SIDT1: variants seen among roughly 807,000 people sequenced by gnomAD.
The protein encoded by SIDT1 is SID1 transmembrane family member 1.
In SIDT1, 101 loss-of-function variants were observed where a neutral mutation model predicts 107.5. That is an observed-to-expected ratio of 0.94 (90% confidence interval 0.80 to 1.11). The LOEUF (loss-of-function observed/expected upper bound fraction) is 1.11. Ranked by LOEUF, SIDT1 falls within the 50% of genes least tolerant of loss-of-function variation. The pLI is 0.00. For missense variants in SIDT1, 1,076 were observed against 1,058.2 expected, an observed-to-expected ratio of 1.02 and a Z score of -0.23; for synonymous variants, 395 against 398.2, an observed-to-expected ratio of 0.99 and a Z score of 0.10.
chr3:113,538,122 C>T (rs1938400127), intron 1 of SIDT1, among the ~76,000 whole-genome samples: 1 of 152,208 alleles, frequency 6.6e-6, no homozygotes, highest in South Asian at 2.1e-4. Flanking sequence ...CCTCCATGAA[C>T]ACTCCTGTGA....
intron 10 of SIDT1, 122 bp from the exon 11 acceptor site, chr3:113,601,466 T>G: frequency 1.5e-6 from 1 of 674,192 alleles, no homozygotes; most frequent in Non-Finnish European, 2.6e-6. Context: ...GACTCCTGTA[T>G]TAGTGTAAAA....
At chr3:113,586,263 T>C (rs1053279983) in intron 9 of SIDT1, among the ~76,000 whole-genome samples, 1 of 152,146 alleles carries the variant, frequency 6.6e-6, no homozygotes, top group Non-Finnish European at 1.5e-5. Context: ...TAATGAATTA[T>C]AAACCATTGG....
intron 4 of SIDT1, among the ~76,000 whole-genome samples, chr3:113,577,272 C>A (rs921777522): frequency 6.6e-6 from 1 of 152,180 alleles, no homozygotes; most frequent in Non-Finnish European, 1.5e-5. Context: ...TAGACTGCAC[C>A]TGGTGCTGGA....
At chr3:113,610,386 C>T (rs1241860925) in intron 17 of SIDT1, among the ~76,000 whole-genome samples, 2 of 152,192 alleles carry the variant, frequency 1.3e-5, no homozygotes, top group African/African-American at 4.8e-5. Flanking sequence ...CCCAGATCAT[C>T]ACTAACGTTT....
rs116403518 is a variant in SIDT1 at position 113,563,165 on chromosome 3, A to G, written c.223-3255A>G. Among the ~76,000 whole-genome samples the G allele has an allele frequency of 6.5e-3, 984 of 152,334 alleles. 8 individuals carry two copies. Among genetic ancestry groups the G allele is most frequent in the African/African-American group, 0.022 (915 of 41,574 alleles). On this transcript the variant is annotated intron_variant, in intron 1 of 24. Transcript: ENST00000264852. ...GGATCTGTTGGTAGGCAAAGAAACT[A>G]GAGACGAAGGCACAGAAGACATCAA...
At chr3:113,548,773 A>G (rs1017107093) in intron 1 of SIDT1, among the ~76,000 whole-genome samples, 13 of 152,114 alleles carry the variant, frequency 8.5e-5, no homozygotes, top group African/African-American at 3.1e-4. Flanking sequence ...CCTTAGCCCA[A>G]GCCCCTTTGC....
chr3:113,541,667 C>T (rs568520790), intron 1 of SIDT1, among the ~76,000 whole-genome samples: 95 of 152,200 alleles, frequency 6.2e-4, no homozygotes, highest in Non-Finnish European at 1.1e-3. Context: ...ACCATATTCT[C>T]ACTTTCATGT....
chr3:113,540,339 G>T (rs1938671284), intron 1 of SIDT1, among the ~76,000 whole-genome samples: 1 of 152,176 alleles, frequency 6.6e-6, no homozygotes, highest in South Asian at 2.1e-4. Context: ...TTCAGCATGA[G>T]TCTTGGGGGA....
Position 113,628,952 on chromosome 3 carries a change from G to A in SIDT1, c.*1244G>A, listed in dbSNP as rs146891396. On this transcript the variant is annotated 3_prime_UTR_variant, in exon 25 of 25. Coordinates refer to ENST00000264852, the MANE Select transcript of SIDT1 (RefSeq NM_017699.3). ...AGCATCTGGGTTCCACTCTCACACT[G>A]TCTGGCAGCTCTGTGTCTGAGAAGT... 6.6e-6 allele frequency: 1 copy of A among 152,230 alleles called. No homozygotes were observed. 9.4% of individuals were successfully genotyped at this position (152,230 alleles called of 1,614,324 possible). A position where few individuals can be genotyped will look rare whatever the true frequency, so the allele number is the denominator to read the frequency against.
Position 113,623,628 on chromosome 3 carries a change from C to T in SIDT1, c.2202C>T (p.Arg734=), listed in dbSNP as rs922045651. 1.5e-5 allele frequency: 24 copies of T among 1,613,244 alleles called. No homozygotes were observed. The highest frequency in any genetic ancestry group is 2.0e-5 in the Non-Finnish European group (23 of 1,179,320). The change falls in exon 23 of 25, where the codon CGC becomes CGT. Residue 734 remains arginine (R), a synonymous_variant. Coordinates refer to ENST00000264852, the MANE Select transcript of SIDT1 (RefSeq NM_017699.3). The stretch of plus-strand genomic sequence containing the variant: ...ATCTGCTTCTCCTCCCACAGCTCCG[C>T]AGCTCTGAAAAGGTCCTCCCAGTCC... ...YLAFYIIMKL[R]SSEKVLPVPL...
rs145142578 is a variant in SIDT1, at chr3:113,624,475, T to C, written c.2307+742T>C. ...TGAAAAATATTCCGTTGTACTGATA[T>C]ATCACATTTTATCTACCTGCTCATC... is the stretch of plus-strand genomic sequence containing the variant. On this transcript the variant is annotated intron_variant, in intron 23 of 24. Transcript: ENST00000264852. Among the ~76,000 whole-genome samples, 294 of 152,380 alleles carry C rather than the reference T, an allele frequency of 1.9e-3. 3 individuals are homozygous for C. Among genetic ancestry groups the C allele is most frequent in the African/African-American group, 6.7e-3 (280 of 41,588 alleles).
In SIDT1 at chr3:113,608,493, T is replaced by G; in HGVS notation, c.1677T>G (p.Ser559Arg). The change falls in exon 17 of 25, where the codon AGT (serine) becomes AGG (arginine). Residue 559 changes from serine to arginine, a missense_variant. By Grantham distance (110) the Ser-to-Arg change is moderately radical (BLOSUM62 -1). Coordinates refer to ENST00000264852, the MANE Select transcript of SIDT1 (RefSeq NM_017699.3). The part of the protein sequence containing the change: ...GIALMMEGVL[S>R]ACYHVCPNYS... ...CATTGATGATGGAAGGGGTGCTCAGTGCTTGCTACCATGTCTGCCCTAATT... is the reference window on the plus strand; with the variant it reads ...CATTGATGATGGAAGGGGTGCTCAGGGCTTGCTACCATGTCTGCCCTAATT... 5.0e-6 allele frequency: 8 copies of G among 1,614,070 alleles called. No homozygotes were observed. In the South Asian group the frequency reaches 8.8e-5, roughly 18 times the overall value.
In SIDT1 at chr3:113,612,166, G is replaced by A. The variant is rs758969146; in HGVS notation, c.1938G>A (p.Gln646=). 2.5e-6 allele frequency: 4 copies of A among 1,612,974 alleles called. No individual in the cohort carries two copies. In the Admixed American group the frequency reaches 6.7e-5, roughly 27 times the overall value. ...TGGCCTCGCTAGCCCTCAGCACCCA[G>A]ATATATTATATGGGTCGTTTCAAGA... is the stretch of plus-strand genomic sequence containing the variant. The part of the protein sequence containing the change: ...HVLASLALST[Q]IYYMGRFKID... The change falls in exon 19 of 25, where the codon CAG becomes CAA. Residue 646 remains glutamine, a synonymous_variant. Coordinates refer to ENST00000264852, the MANE Select transcript of SIDT1 (RefSeq NM_017699.3).
At chr3:113,593,181 T>A in intron 10 of SIDT1, 133 bp downstream of exon 10, 1 of 800,918 alleles carries the variant, frequency 1.2e-6, no homozygotes, top group Non-Finnish European at 2.2e-6. Context: ...CAGAGTAGTC[T>A]AGCCTGCAGT....
intron 9 of SIDT1, among the ~76,000 whole-genome samples, chr3:113,591,852 A>G (rs916739758): frequency 6.6e-6 from 1 of 152,244 alleles, no homozygotes; most frequent in Admixed American, 6.5e-5. Context: ...AATGTTCATA[A>G]CAGTATTACT....
At chr3:113,571,486 G>GCACACA (rs60256247) in intron 3 of SIDT1, among the ~76,000 whole-genome samples, 21,350 of 148,862 alleles carry the variant, frequency 0.14, 1,632 homozygotes, top group Non-Finnish European at 0.18. Flanking sequence ...CCTATCCTCT[G>GCACACA]CACACACACA....
chr3:113,562,635 A>G (rs1053830062), intron 1 of SIDT1, among the ~76,000 whole-genome samples: 2 of 152,224 alleles, frequency 1.3e-5, no homozygotes, highest in Non-Finnish European at 2.9e-5. Context: ...ACATTATTCC[A>G]TTTATTTGAA....
intron 1 of SIDT1, among the ~76,000 whole-genome samples, chr3:113,561,906 G>A (rs1453074007): frequency 6.6e-6 from 1 of 152,158 alleles, no homozygotes; most frequent in Non-Finnish European, 1.5e-5. Context: ...AAAAAAGGGA[G>A]GCAGACAAAC....
chr3:113,601,489 C>T (rs1944956559), intron 10 of SIDT1, 99 bp from the exon 11 acceptor site: 1 of 812,270 alleles, frequency 1.2e-6, no homozygotes, highest in South Asian at 1.7e-5. Context: ...AAAATCAAAC[C>T]TAAAATAATG....
Sources: allele counts gnomAD v4.1 joint callset (sites outside exome capture counted in the v4.1 genomes callset), GRCh38; gene constraint gnomAD v4.1.1; transcripts MANE v1.5; gene names NCBI Gene and HGNC (gene_info 2026-07-23, HGNC 2026-07-21).